Variants in NKAIN2 observed in about 807,000 individuals in gnomAD.
The protein encoded by NKAIN2 is sodium/potassium transporting ATPase interacting 2, also known as sodium/potassium-transporting ATPase subunit beta-1-interacting protein 2.
Under a neutral mutation model 32.6 loss-of-function variants are expected in NKAIN2, and 14 were observed. The ratio of observed to expected loss-of-function variants is 0.43; its 90% CI spans 0.28 to 0.67. NKAIN2 has a LOEUF of 0.67. Ranked by LOEUF, NKAIN2 falls within the 30% of genes least tolerant of loss-of-function variation. The pLI, the probability that NKAIN2 is intolerant of heterozygous loss-of-function variation, is 0.17. For missense variants in NKAIN2, 198 were observed against 258.3 expected, an observed-to-expected ratio of 0.77 and a Z score of 1.60; for synonymous variants, 80 against 87.2, an observed-to-expected ratio of 0.92 and a Z score of 0.46.
intron 3 of NKAIN2, among the ~76,000 whole-genome samples, chr6:124,570,565 T>C (rs1345223082): frequency 6.6e-6 from 1 of 152,170 alleles, no homozygotes; most frequent in Non-Finnish European, 1.5e-5. Flanking sequence ...GCCCCAGGCA[T>C]TGGCAGCTTC....
At chr6:123,828,686 C>T (rs988241041) in intron 1 of NKAIN2, 1 of 152,234 alleles carries the variant, frequency 6.6e-6, no homozygotes, top group Admixed American at 6.5e-5. Flanking sequence ...TAAGACTTGT[C>T]ATTCTTCCAC....
intron 1 of NKAIN2, among the ~76,000 whole-genome samples, chr6:123,968,699 A>C (rs1778203193): frequency 6.6e-6 from 1 of 152,078 alleles, no homozygotes; most frequent in Non-Finnish European, 1.5e-5. Context: ...TCATTGCCTG[A>C]AGCTGTGTGG....
At chr6:124,407,596 T>G (rs1251829014) in intron 3 of NKAIN2, among the ~76,000 whole-genome samples, 2 of 152,104 alleles carry the variant, frequency 1.3e-5, no homozygotes, top group Non-Finnish European at 2.9e-5. Flanking sequence ...AGTCTATCAT[T>G]GTTGGACATT....
intron 3 of NKAIN2, among the ~76,000 whole-genome samples, chr6:124,425,223 G>A (rs747275812): frequency 6.6e-6 from 1 of 152,068 alleles, no homozygotes; most frequent in Non-Finnish European, 1.5e-5. Context: ...TGAAGAAAAA[G>A]ATAAGTCTTT....
intron 1 of NKAIN2, among the ~76,000 whole-genome samples, chr6:124,004,803 A>G (rs113547442): frequency 0.016 from 2,472 of 151,892 alleles, 31 homozygotes; most frequent in Middle Eastern, 0.037. Context: ...TGGCACATGT[A>G]TACCTATGTA....
chr6:124,384,631 GT>G (rs201181397), intron 3 of NKAIN2, among the ~76,000 whole-genome samples: 1 of 152,018 alleles, frequency 6.6e-6, no homozygotes, highest in African/African-American at 2.4e-5. Context: ...CACACTTTCT[GT>G]TTTTTTGAGA....
intron 1 of NKAIN2, among the ~76,000 whole-genome samples, chr6:123,856,788 A>T (rs1562222332): frequency 1.3e-5 from 2 of 151,518 alleles, no homozygotes; most frequent in Non-Finnish European, 2.9e-5. Context: ...ACTATAACAA[A>T]CCCCCAGGTT....
intron 4 of NKAIN2, among the ~76,000 whole-genome samples, chr6:124,734,460 C>T (rs942911568): frequency 7.5e-6 from 1 of 133,844 alleles, no homozygotes; most frequent in African/African-American, 2.7e-5. Flanking sequence ...TAAATGGTCC[C>T]TTACTACCTA....
At chr6:124,669,168 A>G (rs1474143684) in intron 4 of NKAIN2, among the ~76,000 whole-genome samples, 1 of 152,096 alleles carries the variant, frequency 6.6e-6, no homozygotes, top group East Asian at 1.9e-4. Flanking sequence ...ACAGGCAGAA[A>G]CTTCATTAGA....
chr6:124,766,546 C>A (rs1322612049), intron 4 of NKAIN2, among the ~76,000 whole-genome samples: 1 of 152,158 alleles, frequency 6.6e-6, no homozygotes, highest in African/African-American at 2.4e-5. Context: ...AAGATTCTTG[C>A]TGACCCTTAG....
chr6:124,623,562 A>C (rs955576487), intron 3 of NKAIN2, among the ~76,000 whole-genome samples: 4 of 152,230 alleles, frequency 2.6e-5, no homozygotes, highest in African/African-American at 9.6e-5. Context: ...GAAAATTTGA[A>C]GATGCAAGCA....
At chr6:124,257,010 T>C (rs1296495748) in intron 1 of NKAIN2, among the ~76,000 whole-genome samples, 2 of 151,552 alleles carry the variant, frequency 1.3e-5, no homozygotes, top group Non-Finnish European at 2.9e-5. Context: ...CTGAGATCTC[T>C]GATGGTTTTC....
At chr6:124,784,010 ATGT>A (rs1233685317) in intron 4 of NKAIN2, among the ~76,000 whole-genome samples, 6 of 152,158 alleles carry the variant, frequency 3.9e-5, no homozygotes. Flanking sequence ...ATTTCTAATC[ATGT>A]TGGCATAAAG....
intron 3 of NKAIN2, among the ~76,000 whole-genome samples, chr6:124,359,015 T>G (rs1448400242): frequency 6.6e-6 from 1 of 151,854 alleles, no homozygotes; most frequent in East Asian, 1.9e-4. Flanking sequence ...CCCAGCACCA[T>G]TTATTAAATA....
intron 1 of NKAIN2, among the ~76,000 whole-genome samples, chr6:124,027,774 A>G (rs1258744297): frequency 2.6e-5 from 4 of 151,946 alleles, no homozygotes; most frequent in African/African-American, 9.7e-5. Flanking sequence ...CACTACCCTG[A>G]CTCAAGGCTT....
chr6:124,539,238 A>G (rs1278234368), intron 3 of NKAIN2, among the ~76,000 whole-genome samples: 1 of 152,164 alleles, frequency 6.6e-6, no homozygotes, highest in Admixed American at 6.5e-5. Flanking sequence ...ACTCTTGTCC[A>G]ATGATGAGAG....
intron 3 of NKAIN2, among the ~76,000 whole-genome samples, chr6:124,600,286 A>C (rs1166732488): frequency 6.6e-6 from 1 of 152,158 alleles, no homozygotes; most frequent in Non-Finnish European, 1.5e-5. Flanking sequence ...TTCAAGTGGA[A>C]ACAACTATTT....
rs920395812 is a variant in NKAIN2 at position 123,856,552 on chromosome 6, G to GA, written c.54+52304dup. Among the ~76,000 whole-genome samples the GA allele has an allele frequency of 5.9e-4, 89 of 152,044 alleles. 1 individual carries two copies. Among genetic ancestry groups the GA allele is most frequent in the Admixed American group, 5.4e-3 (82 of 15,270 alleles). ...TAAGAGCTTTAGTTGTTGCTTTTTG[G>GA]AAAAAATGCCAATAAACAGAATCTT... On this transcript the variant is annotated intron_variant, in intron 1 of 6. Coordinates refer to ENST00000368417, the MANE Select transcript of NKAIN2 (RefSeq NM_001040214.3).
intron 4 of NKAIN2, among the ~76,000 whole-genome samples, chr6:124,663,669 A>ATTGT (rs1000114206): frequency 1.2e-4 from 18 of 152,284 alleles, no homozygotes; most frequent in African/African-American, 4.1e-4. Flanking sequence ...ATAATTAATA[A>ATTGT]TTGTTTGTTA....
Sources: gnomAD v4.1 joint callset for allele counts (sites outside exome capture counted in the v4.1 genomes callset) on GRCh38, gnomAD v4.1.1 for gene constraint, MANE v1.5 for transcripts, NCBI Gene and HGNC (gene_info 2026-07-23, HGNC 2026-07-21) for gene names.